The following HEG1 variants were observed in gnomAD, a reference collection of about 807,000 sequenced individuals.
HEG1 encodes the protein protein HEG homolog 1.
In HEG1, 56 loss-of-function variants were observed where a neutral mutation model predicts 125.6. The observed-to-expected ratio is 0.45, with a 90% confidence interval of 0.36 to 0.56. HEG1 has a LOEUF of 0.56. Among genes scored for constraint, HEG1 ranks in the 20% least tolerant of loss-of-function variants. HEG1 has a pLI of 0.00. For missense variants in HEG1, 1,523 were observed against 1,670.0 expected, an observed-to-expected ratio of 0.91 and a Z score of 1.53; for synonymous variants, 644 against 668.5, an observed-to-expected ratio of 0.96 and a Z score of 0.57.
Position 125,013,094 on chromosome 3 carries a change from G to A in HEG1, c.2485C>T (p.Pro829Ser), listed in dbSNP as rs367612695. 4.3e-6 allele frequency: 7 copies of A among 1,613,926 alleles called. No individual in the cohort carries two copies. In the South Asian group the frequency reaches 6.6e-5, roughly 15 times the overall value. The change falls in exon 6 of 17, where the codon CCA becomes TCA. Residue 829 changes from proline (P) to serine (S), a missense_variant. Coordinates refer to ENST00000311127, the MANE Select transcript of HEG1 (RefSeq NM_020733.2). ...LTESSTEQTLPATSTNLAQMS... is the reference protein window; with the variant it reads ...LTESSTEQTLSATSTNLAQMS... The stretch of plus-strand genomic sequence containing the variant: ...TGTGCTAAGTTGGTGCTTGTGGCTG[G>A]AAGGGTTTGCTCTGTGGAGGACTCT...
chr3:124,998,423 C>T (rs1936955703), intron 11 of HEG1, among the ~76,000 whole-genome samples: 1 of 152,168 alleles, frequency 6.6e-6, no homozygotes, highest in South Asian at 2.1e-4. Flanking sequence ...AATCTGCTTG[C>T]CCCGGGCTGT....
At position 125,013,784 on chromosome 3, in the gene HEG1, A is replaced by G; in HGVS notation, c.1795T>C (p.Ser599Pro). 1.2e-6 allele frequency: 2 copies of G among 1,613,812 alleles called. No individual in the cohort carries two copies. The highest frequency in any genetic ancestry group is 1.7e-6 in the Non-Finnish European group (2 of 1,179,770). ...TCAGTCTGAGCATGAAAAAAGGAGG[A>G]ATACTCTGAATGTGAAGAGTTTGAG... Reference protein sequence around the residue: ...KISNSSHSEYSSFFHAQTERS... With the variant: ...KISNSSHSEYPSFFHAQTERS... The change falls in exon 6 of 17, where the codon TCC (serine) becomes CCC (proline). Residue 599 changes from serine (S) to proline (P), a missense_variant. Coordinates refer to ENST00000311127, the MANE Select transcript of HEG1 (RefSeq NM_020733.2).
chr3:125,047,620 A>G (rs1322661687), intron 1 of HEG1, among the ~76,000 whole-genome samples: 1 of 152,174 alleles, frequency 6.6e-6, no homozygotes. Context: ...GGCCATAATA[A>G]AGGTCCTAGT....
At chr3:125,050,992 G>A (rs540438683) in intron 1 of HEG1, among the ~76,000 whole-genome samples, 6 of 152,200 alleles carry the variant, frequency 3.9e-5, no homozygotes, top group African/African-American at 1.4e-4. Flanking sequence ...TACTGGGCAG[G>A]TATTCATAAC....
rs184697230 is a variant in HEG1 at position 125,027,157 on chromosome 3, T to C, written c.913+48A>G. The C allele has an allele frequency of 4.7e-5, 69 of 1,473,636 alleles. 2 individuals carry two copies. The East Asian group carries it at 1.6e-3, about 34-fold the overall frequency. 91.3% of individuals were successfully genotyped at this position (1,473,636 alleles called of 1,614,324 possible). ...AGCTGGCTATGCACATTGATTTATG[T>C]CTACTTTGAGTGACTTCCGAGTGTT... On this transcript the variant is annotated intron_variant, in intron 3 of 16. Transcript: ENST00000311127.
chr3:124,980,827 A>C (rs1253988029), intron 14 of HEG1, among the ~76,000 whole-genome samples: 1 of 139,258 alleles, frequency 7.2e-6, no homozygotes, highest in Non-Finnish European at 1.5e-5. Flanking sequence ...CCTGAGGACC[A>C]GTTTTTGCTT....
chr3:124,981,252 T>G (rs200220497), intron 14 of HEG1, among the ~76,000 whole-genome samples: 2 of 66,386 alleles, frequency 3.0e-5, no homozygotes, highest in Non-Finnish European at 5.5e-5. Flanking sequence ...TTTTTTAAAG[T>G]TTTTTTTTTT....
rs777043322 is a variant in HEG1 at position 124,970,737 on chromosome 3, G to C, written c.4061C>G (p.Pro1354Arg). The C allele has an allele frequency of 1.2e-6, 2 of 1,610,448 alleles. No individual in the cohort carries two copies. The highest frequency in any genetic ancestry group is 1.7e-6 in the Non-Finnish European group (2 of 1,178,396). Reference sequence around the variant, plus strand: ...GAAAATGCAAGAATGCCGTGATCCTGGCAGTCCAGTGTAGGCCGGGTAGAG... The same window carrying C: ...GAAAATGCAAGAATGCCGTGATCCTCGCAGTCCAGTGTAGGCCGGGTAGAG... ...NGLYPAYTGL[P>R]GSRHSCIFPG... Residue 1354 changes from proline (P) to arginine (R), a missense_variant, in exon 17 of 17, where the codon CCA (proline) becomes CGA (arginine). Physicochemically the swap from Pro to Arg is moderately radical, Grantham distance 103 (BLOSUM62 -2). Transcript: ENST00000311127.
At chr3:125,049,634 G>A (rs775572545) in intron 1 of HEG1, among the ~76,000 whole-genome samples, 2 of 152,108 alleles carry the variant, frequency 1.3e-5, no homozygotes, top group Non-Finnish European at 1.5e-5. Flanking sequence ...CATCATCCCC[G>A]TGGCCAGGCA....
chr3:125,016,894 C>T (rs1937256848), intron 5 of HEG1, among the ~76,000 whole-genome samples: 2 of 152,050 alleles, frequency 1.3e-5, no homozygotes. Flanking sequence ...AAAGAAACAT[C>T]AAAAGAAAAA....
intron 3 of HEG1, among the ~76,000 whole-genome samples, chr3:125,023,515 C>A (rs541146909): frequency 6.6e-6 from 1 of 152,248 alleles, no homozygotes; most frequent in East Asian, 1.9e-4. Flanking sequence ...ACATTGTATA[C>A]AAATCTCATT....
At chr3:124,971,645 C>T (rs1425504265) in intron 16 of HEG1, among the ~76,000 whole-genome samples, 2 of 152,106 alleles carry the variant, frequency 1.3e-5, no homozygotes, top group Non-Finnish European at 2.9e-5. Context: ...GTGCATGCTA[C>T]CAAGCCCAGC....
intron 5 of HEG1, among the ~76,000 whole-genome samples, chr3:125,017,145 C>T (rs1296875321): frequency 6.6e-6 from 1 of 151,938 alleles, no homozygotes; most frequent in Non-Finnish European, 1.5e-5. Context: ...ACCTCCACCT[C>T]ACAGGTTCAA....
chr3:125,044,968 A>G (rs540330514), intron 1 of HEG1, among the ~76,000 whole-genome samples: 95 of 152,342 alleles, frequency 6.2e-4, no homozygotes, highest in African/African-American at 2.1e-3. Flanking sequence ...GGAAGCAAGG[A>G]TGGGAGGAAG....
At chr3:124,976,186 TG>T (rs1277739099) in intron 15 of HEG1, among the ~76,000 whole-genome samples, 1 of 152,158 alleles carries the variant, frequency 6.6e-6, no homozygotes, top group Non-Finnish European at 1.5e-5. Context: ...GGTGTTTTTT[TG>T]TTTTGTTTTG....
intron 3 of HEG1, among the ~76,000 whole-genome samples, chr3:125,022,684 TAA>T (rs1330146530): frequency 4.7e-5 from 5 of 106,186 alleles, no homozygotes; most frequent in Admixed American, 1.9e-4. Flanking sequence ...ACTTCAGTAT[TAA>T]AAAAAAAAAG....
intron 1 of HEG1, among the ~76,000 whole-genome samples, chr3:125,031,680 TAC>T (rs10553826): frequency 0.17 from 21,442 of 125,210 alleles, 1,974 homozygotes; most frequent in East Asian, 0.5. Context: ...CATACATACA[TAC>T]ACACACACAC....
intron 6 of HEG1, among the ~76,000 whole-genome samples, chr3:125,012,192 C>T (rs149717094): frequency 8.9e-4 from 136 of 152,292 alleles, no homozygotes; most frequent in Admixed American, 2.5e-3. Context: ...CTGATCCAGA[C>T]GCAGATACCC....
Position 125,013,813 on chromosome 3 carries a change from T to A in HEG1, c.1766A>T (p.Lys589Ile), listed in dbSNP as rs889949633. 1 of 1,613,754 alleles carries A rather than the reference T, an allele frequency of 6.2e-7. No individual in the cohort carries two copies. Among genetic ancestry groups the A allele is most frequent in the African/African-American group, 1.3e-5 (1 of 74,876 alleles). The change falls in exon 6 of 17, where the codon AAA (lysine) becomes ATA (isoleucine). Residue 589 changes from lysine to isoleucine, a missense_variant. Physicochemically the swap from Lys to Ile is moderately radical, Grantham distance 102 (BLOSUM62 -3). Coordinates refer to ENST00000311127, the MANE Select transcript of HEG1 (RefSeq NM_020733.2). ...DIVESSTSYIKISNSSHSEYS... is the reference protein window; with the variant it reads ...DIVESSTSYIIISNSSHSEYS... ...CTCTGAATGTGAAGAGTTTGAGATT[T>A]TAATATAAGAAGTTGAGCTCTCCAC... is the stretch of plus-strand genomic sequence containing the variant.
Sources: gnomAD v4.1 joint callset for allele counts (sites outside exome capture counted in the v4.1 genomes callset) on GRCh38, gnomAD v4.1.1 for gene constraint, MANE v1.5 for transcripts, NCBI Gene and HGNC (gene_info 2026-07-23, HGNC 2026-07-21) for gene names.